SEMA3A: variants seen among roughly 807,000 people sequenced by gnomAD.
SEMA3A encodes semaphorin 3A, also known as semaphorin-3A.
Under a neutral mutation model 97.9 loss-of-function variants are expected in SEMA3A, and 29 were observed. The ratio of observed to expected loss-of-function variants is 0.30; its 90% confidence interval spans 0.22 to 0.40. The LOEUF is 0.40. Ranked by LOEUF, SEMA3A falls within the 10% of genes least tolerant of loss-of-function variation. SEMA3A has a pLI of 1.00. For synonymous variants in SEMA3A, 321 were observed against 323.7 expected (o/e 0.99, Z 0.09); for missense variants, 763 against 951.3 (o/e 0.80, Z 2.60).
At chr7:84,043,870 T>C (rs922775937) in intron 6 of SEMA3A, among the ~76,000 whole-genome samples, 1 of 152,044 alleles carries the variant, frequency 6.6e-6, no homozygotes, top group African/African-American at 2.4e-5. Context: ...CTGTGGACAA[T>C]GCCTGTGTTT....
intron 3 of SEMA3A, among the ~76,000 whole-genome samples, chr7:84,221,488 G>T (rs960846650): frequency 3.3e-5 from 5 of 152,178 alleles, no homozygotes; most frequent in African/African-American, 1.2e-4. Context: ...ACCTGCCTTT[G>T]TCACTAAGCA....
intron 3 of SEMA3A, among the ~76,000 whole-genome samples, chr7:84,259,707 T>C (rs1799800844): frequency 6.6e-6 from 1 of 150,418 alleles, no homozygotes; most frequent in South Asian, 2.1e-4. Context: ...TAGATGTCAC[T>C]AATGAAAACC....
chr7:84,461,819 ATTCTATTC>A (rs1805847932), intron 1 of SEMA3A, among the ~76,000 whole-genome samples: 1 of 152,144 alleles, frequency 6.6e-6, no homozygotes, highest in Non-Finnish European at 1.5e-5. Flanking sequence ...TTTAAGATTT[ATTCTATTC>A]TTCTCTGAAT....
At chr7:84,378,520 G>A (rs1232920373) in intron 1 of SEMA3A, among the ~76,000 whole-genome samples, 1 of 152,072 alleles carries the variant, frequency 6.6e-6, no homozygotes, top group Non-Finnish European at 1.5e-5. Context: ...GAGAACACTT[G>A]GACACAGGGA....
At chr7:84,429,760 A>G (rs1804932367) in intron 1 of SEMA3A, among the ~76,000 whole-genome samples, 1 of 151,226 alleles carries the variant, frequency 6.6e-6, no homozygotes, top group Non-Finnish European at 1.5e-5. Flanking sequence ...CAAAAGAAAG[A>G]CATGGTAAAG....
chr7:84,431,784 C>T (rs1804987796), intron 1 of SEMA3A, among the ~76,000 whole-genome samples: 1 of 151,826 alleles, frequency 6.6e-6, no homozygotes, highest in Non-Finnish European at 1.5e-5. Context: ...ATTTACATTA[C>T]AAAGATTCAA....
chr7:84,217,763 CA>C (rs5885405), intron 3 of SEMA3A, among the ~76,000 whole-genome samples: 28,055 of 142,010 alleles, frequency 0.2, 3,324 homozygotes, highest in Non-Finnish European at 0.29. Flanking sequence ...TCTGTCTCTT[CA>C]AAAAAAAAAA....
chr7:84,309,275 T>C (rs1410045041), intron 2 of SEMA3A, among the ~76,000 whole-genome samples: 1 of 152,034 alleles, frequency 6.6e-6, no homozygotes, highest in Non-Finnish European at 1.5e-5. Context: ...CAGAGAAAAT[T>C]AAAGGATGAG....
At chr7:84,095,358 C>CACACACATAT (rs1211794166) in intron 4 of SEMA3A, among the ~76,000 whole-genome samples, 16 of 122,888 alleles carry the variant, frequency 1.3e-4, no homozygotes, top group African/African-American at 5.2e-4. Flanking sequence ...TTTTTATATA[C>CACACACATAT]ATATATATAT....
intron 1 of SEMA3A, among the ~76,000 whole-genome samples, chr7:84,454,997 AACCTGAATGTGT>A (rs1287532019): frequency 1.3e-5 from 2 of 151,998 alleles, no homozygotes; most frequent in Admixed American, 1.3e-4. Flanking sequence ...GCTCTCAATG[AACCTGAATGTGT>A]AGCTAGGTCA....
At chr7:84,471,099 T>C (rs1014524068) in intron 1 of SEMA3A, among the ~76,000 whole-genome samples, 13 of 152,124 alleles carry the variant, frequency 8.5e-5, no homozygotes, top group Admixed American at 5.2e-4. Context: ...TAACCAGCAA[T>C]ACACAAATAG....
At chr7:84,253,322 C>T (rs1325825099) in intron 3 of SEMA3A, among the ~76,000 whole-genome samples, 1 of 151,848 alleles carries the variant, frequency 6.6e-6, no homozygotes, top group Non-Finnish European at 1.5e-5. Context: ...CAAGACAGAT[C>T]TAGCCTCAGC....
intron 1 of SEMA3A, among the ~76,000 whole-genome samples, chr7:84,429,126 C>T (rs1804901110): frequency 6.6e-6 from 1 of 151,942 alleles, no homozygotes; most frequent in African/African-American, 2.4e-5. Context: ...GAAGATAATT[C>T]AGGCTGAGAT....
intron 6 of SEMA3A, among the ~76,000 whole-genome samples, chr7:84,042,318 A>T (rs998108083): frequency 2.6e-5 from 4 of 152,118 alleles, no homozygotes; most frequent in Non-Finnish European, 5.9e-5. Context: ...CGATCCTTTT[A>T]GGAAATTCCA....
intron 3 of SEMA3A, among the ~76,000 whole-genome samples, chr7:84,279,983 G>C (rs184453375): frequency 6.6e-6 from 1 of 152,060 alleles, no homozygotes; most frequent in African/African-American, 2.4e-5. Context: ...CTGCAGCTTC[G>C]AACTCCAGGG....
At chr7:84,131,378 C>T (rs1185326753) in intron 2 of SEMA3A, among the ~76,000 whole-genome samples, 3 of 152,146 alleles carry the variant, frequency 2.0e-5, no homozygotes, top group South Asian at 4.1e-4. Flanking sequence ...TTCTTATTCT[C>T]ATTTTCAAAG....
chr7:84,062,139 TTA>T (rs1474456941), intron 4 of SEMA3A, among the ~76,000 whole-genome samples: 1 of 152,212 alleles, frequency 6.6e-6, no homozygotes, highest in African/African-American at 2.4e-5. Flanking sequence ...ATTCTATTAA[TTA>T]TGTTAGTATT....
intron 3 of SEMA3A, among the ~76,000 whole-genome samples, chr7:84,214,074 A>T (rs1396655960): frequency 6.6e-6 from 1 of 152,238 alleles, no homozygotes; most frequent in Non-Finnish European, 1.5e-5. Flanking sequence ...AATTGATTTC[A>T]TGATAATAAC....
intron 1 of SEMA3A, among the ~76,000 whole-genome samples, chr7:84,395,806 G>A (rs530385743): frequency 3.3e-5 from 5 of 152,100 alleles, no homozygotes; most frequent in Non-Finnish European, 5.9e-5. Flanking sequence ...ATGCAGTACT[G>A]TGAGTCAATT....
Sources: gnomAD v4.1 joint callset for allele counts (sites outside exome capture counted in the v4.1 genomes callset) on GRCh38, gnomAD v4.1.1 for gene constraint, MANE v1.5 for transcripts, NCBI Gene and HGNC (gene_info 2026-07-23, HGNC 2026-07-21) for gene names.